Variants in TRHDE observed in about 807,000 individuals in gnomAD.
TRHDE encodes the protein thyrotropin-releasing hormone-degrading ectoenzyme.
Under a neutral mutation model 125.7 loss-of-function variants are expected in TRHDE, and 72 were observed. The ratio of observed to expected loss-of-function variants is 0.57; its 90% confidence interval spans 0.47 to 0.70. TRHDE has a LOEUF of 0.70. TRHDE is among the 30% of genes least tolerant of loss of function. The pLI, the probability that TRHDE is intolerant of heterozygous loss-of-function variation, is 0.00. For synonymous variants in TRHDE, 509 were observed against 509.1 expected (o/e 1.00, Z 0.00); for missense variants, 1,110 against 1,327.1 (o/e 0.84, Z 2.54).
intron 1 of TRHDE, among the ~76,000 whole-genome samples, chr12:72,099,861 G>A (rs1289941785): frequency 6.6e-6 from 1 of 152,100 alleles, no homozygotes; most frequent in Non-Finnish European, 1.5e-5. Context: ...TGATTTTTAT[G>A]TTGATTCTAA....
chr12:72,422,303 T>A (rs1044514429), intron 3 of TRHDE, among the ~76,000 whole-genome samples: 9 of 152,138 alleles, frequency 5.9e-5, no homozygotes, highest in Non-Finnish European at 1.3e-4. Context: ...TGGAAAGGGG[T>A]AACGTTTATT....
intron 2 of TRHDE, among the ~76,000 whole-genome samples, chr12:72,189,831 G>A (rs1877302738): frequency 6.6e-6 from 1 of 152,128 alleles, no homozygotes. Context: ...GCTGGTCAAA[G>A]CTTCAGTGCA....
intron 3 of TRHDE, among the ~76,000 whole-genome samples, chr12:72,418,159 C>A (rs1247814341): frequency 6.6e-6 from 1 of 152,040 alleles, no homozygotes. Context: ...AAAATTCGTT[C>A]TCAAGAGTAA....
chr12:72,407,328 G>T (rs1212618827), intron 3 of TRHDE, among the ~76,000 whole-genome samples: 1 of 152,188 alleles, frequency 6.6e-6, no homozygotes, highest in Non-Finnish European at 1.5e-5. Context: ...GGTCATAAAA[G>T]ACTGAAAGAT....
chr12:72,630,151 G>A (rs1295337706), intron 15 of TRHDE, among the ~76,000 whole-genome samples: 2 of 151,588 alleles, frequency 1.3e-5, no homozygotes, highest in Admixed American at 6.6e-5. Context: ...TCTGTGGGTT[G>A]AATAGTGGCC....
At chr12:72,413,357 A>G (rs1873592074) in intron 3 of TRHDE, among the ~76,000 whole-genome samples, 1 of 151,990 alleles carries the variant, frequency 6.6e-6, no homozygotes, top group Non-Finnish European at 1.5e-5. Flanking sequence ...ACATGTGACT[A>G]TTGAGCACTT....
At chr12:72,328,569 C>T (rs984469259) in intron 2 of TRHDE, among the ~76,000 whole-genome samples, 2 of 151,922 alleles carry the variant, frequency 1.3e-5, no homozygotes, top group African/African-American at 2.4e-5. Flanking sequence ...TGGGGGCATA[C>T]GTATCATCTT....
intron 3 of TRHDE, among the ~76,000 whole-genome samples, chr12:72,424,451 A>G (rs937091554): frequency 6.6e-6 from 1 of 152,224 alleles, no homozygotes; most frequent in Non-Finnish European, 1.5e-5. Flanking sequence ...GGGCTTCAAC[A>G]TAAAAGAATA....
intron 3 of TRHDE, among the ~76,000 whole-genome samples, chr12:72,431,458 G>C (rs1250872153): frequency 6.6e-6 from 1 of 152,024 alleles, no homozygotes; most frequent in Non-Finnish European, 1.5e-5. Context: ...GAAATATTTT[G>C]ACTTACATTA....
intron 12 of TRHDE, among the ~76,000 whole-genome samples, chr12:72,618,624 TTA>T (rs1872916159): frequency 2.0e-5 from 3 of 152,150 alleles, no homozygotes; most frequent in African/African-American, 7.2e-5. Flanking sequence ...TCGGTTTTGC[TTA>T]TGTTCCATAA....
Position 72,238,325 on chromosome 12 carries a change from T to TATATAC in TRHDE, n.279+132578_279+132579insCATATA, listed in dbSNP as rs1555170274. On this transcript the variant is annotated intron_variant and non_coding_transcript_variant, in intron 2 of 4. Transcript: ENST00000548156. ...ATATATATATATATATATATATACA[T>TATATAC]ATATATATACACATTATATATATAT... 9.3e-5 allele frequency among the ~76,000 whole-genome samples: 3 copies of TATATAC among 32,242 alleles called. 1 individual carries two copies. Among genetic ancestry groups the TATATAC allele is most frequent in the African/African-American group, 3.4e-4 (3 of 8,756 alleles). The allele number at this position is 32,242 out of a possible 152,430, so 21.2% of individuals were successfully genotyped here. A position where few individuals can be genotyped will look rare whatever the true frequency, so the allele number is the denominator to read the frequency against.
intron 15 of TRHDE, among the ~76,000 whole-genome samples, chr12:72,631,613 T>C (rs993252293): frequency 6.6e-6 from 1 of 151,938 alleles, no homozygotes; most frequent in Non-Finnish European, 1.5e-5. Flanking sequence ...AGAAAATTTC[T>C]CTTTTTAAAA....
chr12:72,165,010 G>A (rs959148809), intron 2 of TRHDE, among the ~76,000 whole-genome samples: 2 of 152,134 alleles, frequency 1.3e-5, no homozygotes, highest in African/African-American at 4.8e-5. Flanking sequence ...GTTTAGTGTG[G>A]TTTATTGATC....
chr12:72,393,547 C>T (rs971377148), intron 3 of TRHDE, among the ~76,000 whole-genome samples: 1 of 152,110 alleles, frequency 6.6e-6, no homozygotes, highest in Non-Finnish European at 1.5e-5. Flanking sequence ...CATTTTTAAA[C>T]CTAACAAATG....
chr12:72,520,998 C>T (rs1486620833), intron 6 of TRHDE, among the ~76,000 whole-genome samples: 1 of 152,098 alleles, frequency 6.6e-6, no homozygotes, highest in Non-Finnish European at 1.5e-5. Flanking sequence ...AATTATTTGG[C>T]CCAGACTCAT....
At position 72,299,398 on chromosome 12, in the gene TRHDE, G is replaced by C. The variant is rs980514847; in HGVS notation, c.1188+12444G>C. Among the ~76,000 whole-genome samples, 3 of 152,246 alleles carry C rather than the reference G, an allele frequency of 2.0e-5. No homozygotes were observed. The South Asian group carries it at 6.2e-4, about 32-fold the overall frequency. On this transcript the variant is annotated intron_variant, in intron 2 of 18. Coordinates refer to ENST00000261180, the MANE Select transcript of TRHDE (RefSeq NM_013381.3). ...CTTGCTGGGTCTGGGAGATGCTGTT[G>C]TTTTCTCATTAAGTTTAATTTGGGG...
chr12:72,168,259 A>G (rs1295767054), intron 2 of TRHDE, among the ~76,000 whole-genome samples: 1 of 152,216 alleles, frequency 6.6e-6, no homozygotes, highest in Non-Finnish European at 1.5e-5. Context: ...TTGACAAACT[A>G]AAAACCACAT....
intron 2 of TRHDE, among the ~76,000 whole-genome samples, chr12:72,337,040 G>A (rs970793615): frequency 6.6e-6 from 1 of 152,154 alleles, no homozygotes; most frequent in Non-Finnish European, 1.5e-5. Flanking sequence ...TAAGGAAATT[G>A]CCAGGTGATT....
chr12:72,453,754 G>T (rs1875697623), intron 3 of TRHDE, among the ~76,000 whole-genome samples: 1 of 152,190 alleles, frequency 6.6e-6, no homozygotes, highest in Admixed American at 6.5e-5. Context: ...GCAGCCTTGG[G>T]ACACTGCTTC....
Sources: gnomAD v4.1 joint callset for allele counts (sites outside exome capture counted in the v4.1 genomes callset) on GRCh38, gnomAD v4.1.1 for gene constraint, MANE v1.5 for transcripts, NCBI Gene and HGNC (gene_info 2026-07-23, HGNC 2026-07-21) for gene names.